Variants in PM20D2 observed in about 807,000 individuals in gnomAD.
The protein encoded by PM20D2 is peptidase M20 domain containing 2, also known as xaa-Arg dipeptidase.
A neutral mutation model predicts 42.9 loss-of-function variants in PM20D2; 33 were observed. The ratio of observed to expected loss-of-function variants is 0.77; its 90% CI spans 0.58 to 1.03. The LOEUF is 1.03. Among genes scored for constraint, PM20D2 ranks in the 50% least tolerant of loss-of-function variants. The pLI is 0.00. For synonymous variants in PM20D2, 250 were observed against 228.2 expected, an observed-to-expected ratio of 1.10 and a Z score of -0.86; for missense variants, 548 against 557.0, an observed-to-expected ratio of 0.98 and a Z score of 0.16.
the PM20D2 span, among the ~76,000 whole-genome samples, chr6:89,120,973 C>T: frequency 1.3e-5 from 2 of 151,912 alleles, no homozygotes; most frequent in African/African-American, 4.8e-5. Flanking sequence ...TACTCTGATA[C>T]TTGCTTTCTT....
At chr6:89,156,726 C>A (rs1253683094) in intron 4 of PM20D2, among the ~76,000 whole-genome samples, 2 of 152,198 alleles carry the variant, frequency 1.3e-5, no homozygotes, top group Middle Eastern at 3.4e-3. Context: ...ATCATACTTT[C>A]AGATATGCAT....
At chr6:89,121,776 G>A in the PM20D2 span, among the ~76,000 whole-genome samples, 3 of 152,048 alleles carry the variant, frequency 2.0e-5, no homozygotes, top group East Asian at 1.9e-4. Context: ...ATTGTTCTTC[G>A]AAGTAACTGT....
Position 89,149,264 on chromosome 6 carries a change from G to C in PM20D2, c.466-1G>C. ...TCCCTGACATGAGTATTTCCTTCTA[G>C]GTAGTTGTCCTGGGAACCCCTGCAG... is the stretch of plus-strand genomic sequence containing the variant. On this transcript the variant is annotated splice_acceptor_variant, in intron 1 of 6. Coordinates refer to ENST00000275072, the MANE Select transcript of PM20D2 (RefSeq NM_001010853.3). LOFTEE classifies it high-confidence loss of function. 6.2e-7 allele frequency: 1 copy of C among 1,613,354 alleles called. No individual in the cohort carries two copies. The highest frequency in any genetic ancestry group is 8.5e-7 in the Non-Finnish European group (1 of 1,179,722).
chr6:89,144,081 A>G (rs948140116), upstream of PM20D2, among the ~76,000 whole-genome samples: 4 of 152,340 alleles, frequency 2.6e-5, no homozygotes, highest in Admixed American at 2.0e-4. Context: ...AAATGAATTC[A>G]AGGGTGCAAA....
the PM20D2 span, among the ~76,000 whole-genome samples, chr6:89,111,334 A>C: frequency 6.6e-6 from 1 of 152,310 alleles, no homozygotes; most frequent in African/African-American, 2.4e-5. Context: ...CCTCTTGAAA[A>C]TATGTTGTAG....
rs1458993874 is a variant in PM20D2, at chr6:89,164,932, A to G, written c.*2669A>G. 2.0e-5 allele frequency: 3 copies of G among 148,546 alleles called. No homozygotes were observed. Among genetic ancestry groups the G allele is most frequent in the Admixed American group, 1.4e-4 (2 of 14,674 alleles). 9.2% of individuals were successfully genotyped at this position (148,546 alleles called of 1,614,324 possible). On this transcript the variant is annotated 3_prime_UTR_variant, in exon 7 of 7. Transcript: ENST00000275072. ...GAGTTTCTGTGCCTGTAAAAAAAAA[A>G]AAAAAAAAAAGAAAAGAAAAGACAC...
chr6:89,137,842 A>G, the PM20D2 span, among the ~76,000 whole-genome samples: 4 of 151,702 alleles, frequency 2.6e-5, no homozygotes, highest in South Asian at 2.1e-4. Context: ...TAGTTTCTCT[A>G]TTACTCTAAA....
chr6:89,124,267 T>A, the PM20D2 span, among the ~76,000 whole-genome samples: 2 of 152,124 alleles, frequency 1.3e-5, no homozygotes, highest in South Asian at 2.1e-4. Context: ...ACAAAGTAGC[T>A]GGGTATGGTG....
chr6:89,153,562 T>A (rs1770929824), intron 3 of PM20D2, among the ~76,000 whole-genome samples: 1 of 152,184 alleles, frequency 6.6e-6, no homozygotes, highest in Non-Finnish European at 1.5e-5. Flanking sequence ...AACTGCTAGT[T>A]TTATTTAAGT....
chr6:89,135,767 T>C, the PM20D2 span, among the ~76,000 whole-genome samples: 7 of 151,236 alleles, frequency 4.6e-5, no homozygotes, highest in African/African-American at 7.4e-5. Context: ...TCATTGAGTA[T>C]ATTCTTCACA....
At chr6:89,149,745 T>C (rs185977379) in intron 2 of PM20D2, among the ~76,000 whole-genome samples, 1 of 152,342 alleles carries the variant, frequency 6.6e-6, no homozygotes, top group Non-Finnish European at 1.5e-5. Context: ...TGCAACTGAA[T>C]AGATTTGCGA....
the PM20D2 span, among the ~76,000 whole-genome samples, chr6:89,140,414 A>C: frequency 2.0e-4 from 30 of 152,158 alleles, no homozygotes; most frequent in African/African-American, 6.0e-4. Flanking sequence ...ATTGACCAGG[A>C]AGTTTGAGAA....
rs776262957 is a variant in PM20D2 at position 89,146,375 on chromosome 6, G to A, written c.231G>A (p.Val77=). Residue 77 remains valine (V), a synonymous_variant, in exon 1 of 7, where the codon GTG becomes GTA. Transcript: ENST00000275072. ...AGCCGCCCGCGGCCTCCTGGGCAGT[G>A]CAGCCGCACTACCAGCTGCCCACGG... The part of the protein sequence containing the change: ...EREPPAASWA[V]QPHYQLPTAF... The A allele has an allele frequency of 2.4e-5, 37 of 1,538,408 alleles. No homozygotes were observed. The highest frequency in any genetic ancestry group is 3.2e-5 in the Non-Finnish European group (37 of 1,150,320).
chr6:89,154,738 C>G lies in PM20D2; in HGVS notation c.758-10C>G. On this transcript the variant is annotated splice_polypyrimidine_tract_variant and intron_variant, in intron 3 of 6. Coordinates refer to ENST00000275072, the MANE Select transcript of PM20D2 (RefSeq NM_001010853.3). ...CAAGCTTAATTCTAGTAATTTGGTT[C>G]TTTTTATAGGTATAATAAAAAATGG... The G allele has an allele frequency of 7.4e-6, 11 of 1,482,288 alleles. No individual in the cohort carries two copies. Among genetic ancestry groups the G allele is most frequent in the Non-Finnish European group, 9.9e-6 (11 of 1,107,150 alleles). 91.8% of individuals were successfully genotyped at this position (1,482,288 alleles called of 1,614,324 possible). A position where few individuals can be genotyped will look rare whatever the true frequency, so the allele number is the denominator to read the frequency against.
At chr6:89,099,034 A>G in the PM20D2 span, 2 of 1,428,428 alleles carry the variant, frequency 1.4e-6, no homozygotes, top group South Asian at 1.5e-5. Flanking sequence ...CATACTTTAC[A>G]TAACATTAGT....
At chr6:89,117,041 G>A in the PM20D2 span, among the ~76,000 whole-genome samples, 5 of 151,622 alleles carry the variant, frequency 3.3e-5, no homozygotes, top group Admixed American at 3.3e-4. Flanking sequence ...CTCTCCCCCC[G>A]CCCCCAATTT....
chr6:89,138,756 T>G, the PM20D2 span, among the ~76,000 whole-genome samples: 1 of 152,202 alleles, frequency 6.6e-6, no homozygotes, highest in East Asian at 1.9e-4. Context: ...TCCCAACTAC[T>G]TGGGTGGCTG....
chr6:89,162,393 G>T lies in PM20D2; in HGVS notation c.*130G>T, dbSNP rs1374542506. 4.1e-6 allele frequency: 4 copies of T among 976,124 alleles called. No individual in the cohort carries two copies. The African/African-American group carries it at 6.6e-5, about 16-fold the overall frequency. The allele number at this position is 976,124 out of a possible 1,614,324, so 60.5% of individuals were successfully genotyped here. A position where few individuals can be genotyped will look rare whatever the true frequency, so the allele number is the denominator to read the frequency against. On this transcript the variant is annotated 3_prime_UTR_variant, in exon 7 of 7. Transcript: ENST00000275072. Reference sequence around the variant, plus strand: ...CTTTTTACCTGATAAGTGAGGACAGGGTGTGGAGAAAACATATTAATTACC... The same window carrying T: ...CTTTTTACCTGATAAGTGAGGACAGTGTGTGGAGAAAACATATTAATTACC...
At chr6:89,151,299 C>T (rs1195848338) in intron 2 of PM20D2, among the ~76,000 whole-genome samples, 1 of 148,846 alleles carries the variant, frequency 6.7e-6, no homozygotes. Context: ...GGCGCAATCT[C>T]AGCTCACTGC....
Sources: allele counts gnomAD v4.1 joint callset (sites outside exome capture counted in the v4.1 genomes callset), GRCh38; gene constraint gnomAD v4.1.1; transcripts MANE v1.5; gene names NCBI Gene and HGNC (gene_info 2026-07-23, HGNC 2026-07-21).